Variants in CSGALNACT1 observed in about 807,000 individuals in gnomAD.
CSGALNACT1 encodes the protein chondroitin sulfate N-acetylgalactosaminyltransferase 1.
Under a neutral mutation model 51.0 loss-of-function variants are expected in CSGALNACT1, and 52 were observed. That is an observed-to-expected ratio of 1.02 (90% CI 0.82 to 1.29). CSGALNACT1 has a LOEUF of 1.29. Ranked by LOEUF, CSGALNACT1 falls within the 50% of genes most tolerant of loss-of-function variation. CSGALNACT1 has a pLI of 0.00. For missense variants in CSGALNACT1, 935 were observed against 679.2 expected (o/e 1.38, Z -4.19); for synonymous variants, 341 against 254.4 (o/e 1.34, Z -3.24).
chr8:19,506,206 C>G (rs1004108570), intron 3 of CSGALNACT1, 76 bp from the exon 3 acceptor site: 1 of 446,490 alleles, frequency 2.2e-6, no homozygotes, highest in African/African-American at 2.0e-5. Context: ...CAATCAATAT[C>G]CAATAGATCT....
At chr8:19,722,249 A>C (rs1418466670) in intron 1 of CSGALNACT1, among the ~76,000 whole-genome samples, 1 of 152,142 alleles carries the variant, frequency 6.6e-6, no homozygotes, top group African/African-American at 2.4e-5. Flanking sequence ...CTCCCCTAAA[A>C]TGTACACAGT....
chr8:19,442,336 C>T lies in CSGALNACT1; in HGVS notation c.852-2405G>A, dbSNP rs2061443977. ...AACCAACCCAAATGTCCAACAATGACAGAGTGGATTAAGAAAATGTGGCAC... is the reference window on the plus strand; with the variant it reads ...AACCAACCCAAATGTCCAACAATGATAGAGTGGATTAAGAAAATGTGGCAC... On this transcript the variant is annotated intron_variant, in intron 5 of 9. Coordinates refer to ENST00000454498, the Ensembl canonical transcript of CSGALNACT1. 3.3e-5 allele frequency among the ~76,000 whole-genome samples: 5 copies of T among 152,144 alleles called. No homozygotes were observed. In the South Asian group the frequency reaches 1.0e-3, roughly 32 times the overall value.
At chr8:19,513,434 C>CTATATATATATATATATA (rs1353825526) in intron 3 of CSGALNACT1, among the ~76,000 whole-genome samples, 65 of 66,510 alleles carry the variant, frequency 9.8e-4, no homozygotes, top group East Asian at 1.8e-3. Context: ...CTCTCTCTCT[C>CTATATATATATATATATA]TCTATATATA....
At chr8:19,578,741 C>A (rs1257513492) in intron 3 of CSGALNACT1, among the ~76,000 whole-genome samples, 1 of 152,162 alleles carries the variant, frequency 6.6e-6, no homozygotes, top group Admixed American at 6.5e-5. Context: ...CTCAGTCTGA[C>A]TCAGTCTGAC....
chr8:19,508,322 A>G (rs953014757), intron 3 of CSGALNACT1, among the ~76,000 whole-genome samples: 11 of 152,350 alleles, frequency 7.2e-5, no homozygotes, highest in African/African-American at 2.6e-4. Context: ...TCACTATGCC[A>G]TCAAAATAGT....
chr8:19,556,858 A>T (rs1384264301), intron 3 of CSGALNACT1, among the ~76,000 whole-genome samples: 2 of 152,116 alleles, frequency 1.3e-5, no homozygotes, highest in Admixed American at 1.3e-4. Flanking sequence ...GATGTAAACT[A>T]AAATTGAACC....
chr8:19,650,696 C>T (rs2057725702), intron 1 of CSGALNACT1, among the ~76,000 whole-genome samples: 1 of 152,088 alleles, frequency 6.6e-6, no homozygotes, highest in Admixed American at 6.5e-5. Context: ...GAGACTGAAA[C>T]AACACGCTTA....
chr8:19,504,577 GA>G (rs559597281), intron 4 of CSGALNACT1, among the ~76,000 whole-genome samples: 1 of 151,856 alleles, frequency 6.6e-6, no homozygotes, highest in African/African-American at 2.4e-5. Context: ...CTACGCCCGT[GA>G]AAAAAAAGAT....
intron 3 of CSGALNACT1, among the ~76,000 whole-genome samples, chr8:19,560,632 C>T (rs886521473): frequency 4.6e-5 from 7 of 152,148 alleles, no homozygotes; most frequent in African/African-American, 7.2e-5. Flanking sequence ...ATCAACCTTA[C>T]GAGCAAACAG....
At chr8:19,524,577 T>C (rs929856789) in intron 3 of CSGALNACT1, among the ~76,000 whole-genome samples, 4 of 152,022 alleles carry the variant, frequency 2.6e-5, no homozygotes, top group Admixed American at 1.3e-4. Flanking sequence ...GTAGGAAGAG[T>C]TGGGATTTTT....
chr8:19,557,700 CT>C (rs1284342445), intron 3 of CSGALNACT1, among the ~76,000 whole-genome samples: 4 of 152,204 alleles, frequency 2.6e-5, no homozygotes, highest in Non-Finnish European at 5.9e-5. Flanking sequence ...ACAGCACCCC[CT>C]GTCAACTCTG....
At chr8:19,704,801 A>G (rs1352085942) in intron 1 of CSGALNACT1, among the ~76,000 whole-genome samples, 1 of 152,240 alleles carries the variant, frequency 6.6e-6, no homozygotes, top group Admixed American at 6.5e-5. Context: ...GATAACAAGG[A>G]TGAACCTGGA....
At position 19,588,383 on chromosome 8, in the gene CSGALNACT1, A is replaced by AT. The variant is rs565569796; in HGVS notation, c.-297+2776dup. ...CCAGTGAGAACTCATTGCAAATATG[A>AT]TTTTTTCTGTAGAGTATTATTTGAT... On this transcript the variant is annotated intron_variant, in intron 3 of 9. Transcript: ENST00000454498. Among the ~76,000 whole-genome samples the AT allele has an allele frequency of 6.6e-5, 10 of 152,272 alleles. No individual in the cohort carries two copies. The East Asian group carries it at 1.2e-3, about 18-fold the overall frequency.
At chr8:19,577,376 A>G (rs1249887676) in intron 3 of CSGALNACT1, among the ~76,000 whole-genome samples, 1 of 148,836 alleles carries the variant, frequency 6.7e-6, no homozygotes, top group Non-Finnish European at 1.5e-5. Flanking sequence ...CAGCACCTAG[A>G]CAACGAAGCC....
intron 6 of CSGALNACT1, among the ~76,000 whole-genome samples, chr8:19,423,986 G>A (rs76839895): frequency 6.6e-6 from 1 of 152,140 alleles, no homozygotes; most frequent in Non-Finnish European, 1.5e-5. Context: ...CAGACACCTC[G>A]GCTTGCCTGT....
At chr8:19,667,414 C>T (rs1564388337) in intron 1 of CSGALNACT1, among the ~76,000 whole-genome samples, 1 of 152,098 alleles carries the variant, frequency 6.6e-6, no homozygotes, top group Non-Finnish European at 1.5e-5. Context: ...CCAGCCTGAG[C>T]AATAGAGCAA....
intron 1 of CSGALNACT1, among the ~76,000 whole-genome samples, chr8:19,624,726 TG>T (rs202108307): frequency 1.6e-3 from 240 of 152,012 alleles, no homozygotes; most frequent in African/African-American, 5.3e-3. Context: ...TTGCCCAGGC[TG>T]GAGTGCAGTG....
intron 1 of CSGALNACT1, among the ~76,000 whole-genome samples, chr8:19,696,216 G>A (rs956152383): frequency 6.6e-5 from 10 of 152,226 alleles, no homozygotes; most frequent in Admixed American, 4.6e-4. Flanking sequence ...ACTTGACAAT[G>A]TGAAAAAGAT....
upstream of CSGALNACT1, among the ~76,000 whole-genome samples, chr8:19,606,114 T>G (rs1332308593): frequency 6.6e-6 from 1 of 152,190 alleles, no homozygotes; most frequent in Non-Finnish European, 1.5e-5. Flanking sequence ...TCTCAAAATG[T>G]GAAAAATAAA....
Sources: gnomAD v4.1 joint callset for allele counts (sites outside exome capture counted in the v4.1 genomes callset) on GRCh38, gnomAD v4.1.1 for gene constraint, MANE v1.5 for transcripts, NCBI Gene and HGNC (gene_info 2026-07-23, HGNC 2026-07-21) for gene names.